GALNTL6: variants seen among roughly 807,000 people sequenced by gnomAD.
GALNTL6 encodes polypeptide N-acetylgalactosaminyltransferase-like 6.
A neutral mutation model predicts 73.7 loss-of-function variants in GALNTL6; 46 were observed. The observed-to-expected ratio is 0.62, with a 90% CI of 0.49 to 0.80. The LOEUF is 0.80. GALNTL6 is among the 30% of genes least tolerant of loss of function. GALNTL6 has a pLI of 0.00. For synonymous variants in GALNTL6, 259 were observed against 263.7 expected (o/e 0.98, Z 0.17); for missense variants, 604 against 755.0 (o/e 0.80, Z 2.34).
At chr4:172,388,464 A>G (rs901695223) in intron 5 of GALNTL6, among the ~76,000 whole-genome samples, 3 of 152,156 alleles carry the variant, frequency 2.0e-5, no homozygotes, top group Non-Finnish European at 4.4e-5. Flanking sequence ...GTGGAAGAAT[A>G]AAGACATTTA....
At chr4:172,360,018 A>G (rs1212257586) in intron 5 of GALNTL6, among the ~76,000 whole-genome samples, 1 of 152,222 alleles carries the variant, frequency 6.6e-6, no homozygotes, top group African/African-American at 2.4e-5. Flanking sequence ...ACATCATTAT[A>G]AAATCCAGAA....
intron 2 of GALNTL6, among the ~76,000 whole-genome samples, chr4:172,029,336 GTTAA>G (rs1741692930): frequency 1.3e-5 from 2 of 151,880 alleles, no homozygotes; most frequent in South Asian, 4.1e-4. Context: ...ATGTTAAAAC[GTTAA>G]TTTTTATAAT....
At chr4:172,198,990 A>G (rs574001482) in intron 2 of GALNTL6, among the ~76,000 whole-genome samples, 4 of 152,186 alleles carry the variant, frequency 2.6e-5, no homozygotes, top group Admixed American at 2.0e-4. Context: ...TGCTTTTACT[A>G]CTGTTGGCAT....
At chr4:172,243,189 T>C (rs1392888809) in intron 3 of GALNTL6, among the ~76,000 whole-genome samples, 1 of 152,200 alleles carries the variant, frequency 6.6e-6, no homozygotes, top group Non-Finnish European at 1.5e-5. Context: ...TTTCACTTGC[T>C]GCTCTTGCTA....
intron 5 of GALNTL6, among the ~76,000 whole-genome samples, chr4:172,627,502 C>T (rs189252105): frequency 6.7e-6 from 1 of 149,040 alleles, no homozygotes; most frequent in East Asian, 2.0e-4. Flanking sequence ...ATGCTGGCTT[C>T]ATAGAATGAG....
intron 5 of GALNTL6, among the ~76,000 whole-genome samples, chr4:172,449,855 C>T (rs1339773119): frequency 6.6e-6 from 1 of 152,180 alleles, no homozygotes; most frequent in Non-Finnish European, 1.5e-5. Flanking sequence ...ACTTTCTCAT[C>T]AGCATCTTCC....
At chr4:172,430,152 T>C (rs1731387553) in intron 5 of GALNTL6, among the ~76,000 whole-genome samples, 1 of 152,014 alleles carries the variant, frequency 6.6e-6, no homozygotes, top group Admixed American at 6.6e-5. Context: ...ACCATAAAAG[T>C]TATCATTTTA....
intron 2 of GALNTL6, among the ~76,000 whole-genome samples, chr4:172,033,935 C>T (rs2110825777): frequency 6.6e-6 from 1 of 152,212 alleles, no homozygotes; most frequent in South Asian, 2.1e-4. Context: ...TTTTATTGCA[C>T]TACTAATTGC....
chr4:172,931,071 G>C (rs1748308911), intron 8 of GALNTL6, 90 bp from the exon 9 acceptor site: 1 of 771,246 alleles, frequency 1.3e-6, no homozygotes, highest in Non-Finnish European at 2.3e-6. Context: ...AAGACTTTTA[G>C]AGATTTTAAG....
intron 3 of GALNTL6, among the ~76,000 whole-genome samples, chr4:172,256,200 TTC>T (rs1459622063): frequency 6.6e-6 from 1 of 151,430 alleles, no homozygotes; most frequent in Non-Finnish European, 1.5e-5. Flanking sequence ...TTTTTTCTTC[TTC>T]TGTTTCGCCT....
At chr4:172,209,923 C>A (rs1736269477) in intron 2 of GALNTL6, among the ~76,000 whole-genome samples, 1 of 152,022 alleles carries the variant, frequency 6.6e-6, no homozygotes, top group African/African-American at 2.4e-5. Flanking sequence ...AATAGTTTAT[C>A]ATCATCTAAA....
chr4:172,747,046 TGTCA>T (rs929678386), intron 5 of GALNTL6, among the ~76,000 whole-genome samples: 1 of 151,974 alleles, frequency 6.6e-6, no homozygotes, highest in African/African-American at 2.4e-5. Context: ...AACAACAATC[TGTCA>T]AAGAAAAAAT....
intron 5 of GALNTL6, among the ~76,000 whole-genome samples, chr4:172,654,365 G>A (rs988477687): frequency 7.2e-5 from 11 of 152,126 alleles, no homozygotes; most frequent in African/African-American, 2.7e-4. Flanking sequence ...AAACTTCCTA[G>A]AGTTCTATTT....
At chr4:172,888,556 C>T (rs555173204) in intron 8 of GALNTL6, among the ~76,000 whole-genome samples, 1 of 152,246 alleles carries the variant, frequency 6.6e-6, no homozygotes, top group East Asian at 1.9e-4. Flanking sequence ...TGTAGAAGAT[C>T]AGTTCATTGT....
chr4:172,861,726 A>G (rs1744404237), intron 7 of GALNTL6, among the ~76,000 whole-genome samples: 2 of 152,328 alleles, frequency 1.3e-5, no homozygotes, highest in Admixed American at 1.3e-4. Flanking sequence ...ATGATAGTGA[A>G]TAAGTCTCAG....
At chr4:173,034,200 C>T (rs1158524709) in intron 12 of GALNTL6, among the ~76,000 whole-genome samples, 1 of 152,140 alleles carries the variant, frequency 6.6e-6, no homozygotes, top group Non-Finnish European at 1.5e-5. Flanking sequence ...GTTTTTGCAT[C>T]AGCTGAAATC....
At chr4:172,610,560 G>C (rs931093693) in intron 5 of GALNTL6, among the ~76,000 whole-genome samples, 1 of 151,874 alleles carries the variant, frequency 6.6e-6, no homozygotes, top group African/African-American at 2.4e-5. Flanking sequence ...GAGTGTGCTT[G>C]GTATGATTTT....
At chr4:171,925,771 A>C (rs1737958061) in intron 2 of GALNTL6, among the ~76,000 whole-genome samples, 1 of 152,114 alleles carries the variant, frequency 6.6e-6, no homozygotes, top group African/African-American at 2.4e-5. Context: ...TTTTCTTTGT[A>C]TTGATGATAA....
At chr4:172,854,388 A>G (rs183079596) in intron 7 of GALNTL6, among the ~76,000 whole-genome samples, 2 of 152,334 alleles carry the variant, frequency 1.3e-5, no homozygotes, top group African/African-American at 4.8e-5. Context: ...TTTGAATTCA[A>G]AAAAATCTTT....
Sources: allele counts gnomAD v4.1 joint callset (sites outside exome capture counted in the v4.1 genomes callset), GRCh38; gene constraint gnomAD v4.1.1; transcripts MANE v1.5; gene names NCBI Gene and HGNC (gene_info 2026-07-23, HGNC 2026-07-21).